The following CDH18 variants were observed in gnomAD, a reference collection of about 807,000 sequenced individuals.
CDH18 encodes the protein cadherin-18.
A neutral mutation model predicts 67.9 loss-of-function variants in CDH18; 31 were observed. The observed-to-expected ratio is 0.46, with a 90% CI of 0.34 to 0.62. The LOEUF is 0.62. CDH18 is among the 20% of genes least tolerant of loss of function. CDH18 has a pLI of 0.01. For missense variants in CDH18, 890 were observed against 975.5 expected, an observed-to-expected ratio of 0.91 and a Z score of 1.17; for synonymous variants, 362 against 347.2, an observed-to-expected ratio of 1.04 and a Z score of -0.48.
chr5:20,292,132 T>C (rs1276496365), intron 1 of CDH18, among the ~76,000 whole-genome samples: 1 of 152,200 alleles, frequency 6.6e-6, no homozygotes, highest in African/African-American at 2.4e-5. Flanking sequence ...AAGAATGATA[T>C]TCAGAACATG....
chr5:19,845,090 T>G (rs1259311726), intron 2 of CDH18, among the ~76,000 whole-genome samples: 3 of 152,120 alleles, frequency 2.0e-5, no homozygotes, highest in Non-Finnish European at 4.4e-5. Flanking sequence ...TCTTAAACAT[T>G]TTCAGCTTCT....
intron 1 of CDH18, among the ~76,000 whole-genome samples, chr5:20,476,496 G>C (rs745747530): frequency 6.6e-6 from 1 of 152,072 alleles, no homozygotes; most frequent in Non-Finnish European, 1.5e-5. Flanking sequence ...ATATTATCCA[G>C]TTTTGCTAAA....
chr5:20,046,264 C>A (rs958086590), intron 2 of CDH18, among the ~76,000 whole-genome samples: 2 of 151,798 alleles, frequency 1.3e-5, no homozygotes, highest in African/African-American at 2.4e-5. Context: ...ATGATAATAC[C>A]ACATATTCTG....
rs553240330 is a variant in CDH18 at position 19,484,564 on chromosome 5, AGCTATAGATTGCCACCT to A, written c.1631-1029_1631-1013del. Among the ~76,000 whole-genome samples the A allele has an allele frequency of 5.1e-3, 771 of 152,330 alleles. 7 individuals carry two copies. The highest frequency in any genetic ancestry group is 0.018 in the African/African-American group (731 of 41,574). On this transcript the variant is annotated intron_variant, in intron 11 of 12. Transcript: ENST00000382275. ...CCTTCATAAAATTTCCTGTTGCCGT[AGCTATAGATTGCCACCT>A]GCCCCCAGGTCACACTTCTGGAATA...
intron 5 of CDH18, among the ~76,000 whole-genome samples, chr5:19,701,789 CA>C (rs1165410695): frequency 2.0e-5 from 3 of 152,092 alleles, no homozygotes; most frequent in African/African-American, 7.2e-5. Context: ...CAGACAGAGA[CA>C]AAACTCTTTA....
intron 5 of CDH18, among the ~76,000 whole-genome samples, chr5:19,675,352 A>G (rs942894240): frequency 2.0e-5 from 3 of 152,026 alleles, no homozygotes; most frequent in Admixed American, 6.6e-5. Flanking sequence ...GGAATTTCCT[A>G]GTCCTAATAA....
Position 20,366,582 on chromosome 5 carries a change from T to TA in CDH18, c.-579-111078dup, listed in dbSNP as rs1742536321. Among the ~76,000 whole-genome samples the TA allele has an allele frequency of 3.3e-5, 5 of 152,320 alleles. No homozygotes were observed. The East Asian group carries it at 5.8e-4, about 18-fold the overall frequency. On this transcript the variant is annotated intron_variant, in intron 1 of 14. Transcript: ENST00000507958. The stretch of plus-strand genomic sequence containing the variant: ...CGGTTTGAGATCAAGCTCTGTCACT[T>TA]ACCTGCCTCATAATCATTGGCAAGC...
intron 5 of CDH18, among the ~76,000 whole-genome samples, chr5:19,668,839 C>T (rs1521023): frequency 0.085 from 12,894 of 151,952 alleles, 1,727 homozygotes; most frequent in African/African-American, 0.28. Flanking sequence ...ACTTCATCCA[C>T]AGAAACAAGT....
intron 2 of CDH18, among the ~76,000 whole-genome samples, chr5:20,112,728 T>A (rs916830420): frequency 1.5e-4 from 23 of 151,976 alleles, no homozygotes; most frequent in African/African-American, 5.6e-4. Context: ...ATAAAAAAAA[T>A]AAAATAAAAT....
At chr5:20,035,051 T>C (rs1372366714) in intron 2 of CDH18, among the ~76,000 whole-genome samples, 1 of 152,058 alleles carries the variant, frequency 6.6e-6, no homozygotes, top group African/African-American at 2.4e-5. Flanking sequence ...CTGCTTTCTT[T>C]TTTTCTGTCT....
In CDH18 at chr5:20,155,025, A is replaced by G. The variant is rs539979657; in HGVS notation, c.-518+100419T>C. On this transcript the variant is annotated intron_variant, in intron 2 of 14. Coordinates refer to the CDH18 transcript ENST00000507958. ...GGTTTCTTTTCAAAGGCTGTCATCTATAAACAGACCTTGCAAATGGATGAG... is the reference window on the plus strand; with the variant it reads ...GGTTTCTTTTCAAAGGCTGTCATCTGTAAACAGACCTTGCAAATGGATGAG... Among the ~76,000 whole-genome samples, 7 of 152,294 alleles carry G rather than the reference A, an allele frequency of 4.6e-5. No individual in the cohort carries two copies. The South Asian group carries it at 1.2e-3, about 27-fold the overall frequency.
At chr5:19,632,891 G>C (rs1191155564) in intron 5 of CDH18, among the ~76,000 whole-genome samples, 1 of 152,048 alleles carries the variant, frequency 6.6e-6, no homozygotes, top group African/African-American at 2.4e-5. Context: ...ATCACCCCAT[G>C]CTCTTGTTTG....
chr5:20,212,545 A>T (rs1177129785), intron 2 of CDH18, among the ~76,000 whole-genome samples: 1 of 152,124 alleles, frequency 6.6e-6, no homozygotes, highest in Admixed American at 6.6e-5. Context: ...CAGGTTACCC[A>T]CAAAGGGAAG....
At chr5:20,279,290 T>C (rs902199113) in intron 1 of CDH18, among the ~76,000 whole-genome samples, 1 of 151,862 alleles carries the variant, frequency 6.6e-6, no homozygotes, top group Non-Finnish European at 1.5e-5. Flanking sequence ...ACAAAAACTA[T>C]AAAAAGAGAA....
intron 1 of CDH18, among the ~76,000 whole-genome samples, chr5:20,343,821 C>T (rs1740473591): frequency 6.6e-6 from 1 of 151,980 alleles, no homozygotes; most frequent in Admixed American, 6.5e-5. Context: ...CATTAAATAC[C>T]ATCAGGAAAT....
At chr5:19,584,995 C>CA (rs34553605) in intron 7 of CDH18, among the ~76,000 whole-genome samples, 56,523 of 141,870 alleles carry the variant, frequency 0.4, 11,721 homozygotes, top group Middle Eastern at 0.54. Context: ...ACTCTATCTC[C>CA]AAAAAAAAAA....
In CDH18 at chr5:20,112,971, A is replaced by G. The variant is rs144922709; in HGVS notation, c.-517-120957T>C. Among the ~76,000 whole-genome samples the G allele has an allele frequency of 1.5e-3, 224 of 152,278 alleles. 2 individuals carry two copies. The highest frequency in any genetic ancestry group is 5.1e-3 in the African/African-American group (211 of 41,570). ...TTAGAATCCTTCTATTGATTTTTTA[A>G]ATTAAAATTCTCATGAAAAGAAGGT... On this transcript the variant is annotated intron_variant, in intron 2 of 14. Transcript: ENST00000507958.
At chr5:20,485,624 T>C (rs1053194673) in intron 1 of CDH18, among the ~76,000 whole-genome samples, 2 of 151,856 alleles carry the variant, frequency 1.3e-5, no homozygotes, top group African/African-American at 4.8e-5. Flanking sequence ...AATGTCTCAA[T>C]TCTTCCATCA....
intron 2 of CDH18, among the ~76,000 whole-genome samples, chr5:19,938,025 C>T (rs1360245766): frequency 1.4e-5 from 2 of 146,406 alleles, no homozygotes; most frequent in East Asian, 2.0e-4. Context: ...ATAGCATATA[C>T]ATAGCAAATA....
Sources: allele counts gnomAD v4.1 joint callset (sites outside exome capture counted in the v4.1 genomes callset), GRCh38; gene constraint gnomAD v4.1.1; transcripts MANE v1.5; gene names NCBI Gene and HGNC (gene_info 2026-07-23, HGNC 2026-07-21).